CNTLN: variants seen among roughly 807,000 people sequenced by gnomAD.
CNTLN encodes the protein centlein, centrosomal protein.
A neutral mutation model predicts 180.0 loss-of-function variants in CNTLN; 212 were observed. The observed-to-expected ratio is 1.18, with a 90% CI of 1.05 to 1.32. The LOEUF is 1.32. Among genes scored for constraint, CNTLN ranks in the 40% most tolerant of loss-of-function variants. The pLI is 0.00. For missense variants in CNTLN, 2,095 were observed against 1,610.9 expected (o/e 1.30, Z -5.14); for synonymous variants, 722 against 563.1 (o/e 1.28, Z -3.99).
chr9:17,344,906 C>T (rs906345226), intron 12 of CNTLN, among the ~76,000 whole-genome samples: 10 of 152,110 alleles, frequency 6.6e-5, no homozygotes, highest in African/African-American at 1.9e-4. Context: ...ATCTTCCTAC[C>T]GCCACTAATA....
At chr9:17,148,730 G>C (rs983871942) in intron 2 of CNTLN, among the ~76,000 whole-genome samples, 1 of 152,238 alleles carries the variant, frequency 6.6e-6, no homozygotes, top group Admixed American at 6.5e-5. Context: ...TTTGACATCA[G>C]TTGGAAACAT....
intron 12 of CNTLN, among the ~76,000 whole-genome samples, chr9:17,361,530 C>A (rs577069022): frequency 6.6e-6 from 1 of 152,032 alleles, no homozygotes; most frequent in South Asian, 2.1e-4. Flanking sequence ...TATGCACATG[C>A]AAAAAAAGAA....
chr9:17,284,178 G>A (rs1215375159), intron 6 of CNTLN, among the ~76,000 whole-genome samples: 1 of 151,982 alleles, frequency 6.6e-6, no homozygotes, highest in Non-Finnish European at 1.5e-5. Context: ...CTTCCAGTAT[G>A]CCTCGCTAAT....
intron 2 of CNTLN, among the ~76,000 whole-genome samples, chr9:17,195,902 A>T (rs984990574): frequency 7.2e-5 from 11 of 152,232 alleles, no homozygotes; most frequent in African/African-American, 2.7e-4. Context: ...ATAGCTTTAC[A>T]TGAAATCAGA....
At chr9:17,158,981 T>C (rs1819490711) in intron 2 of CNTLN, among the ~76,000 whole-genome samples, 1 of 152,146 alleles carries the variant, frequency 6.6e-6, no homozygotes, top group Admixed American at 6.5e-5. Context: ...TTTATAGTTA[T>C]ATCCTTCCAT....
chr9:17,366,098 G>A (rs1399710128), intron 12 of CNTLN, among the ~76,000 whole-genome samples: 2 of 152,130 alleles, frequency 1.3e-5, no homozygotes, highest in Non-Finnish European at 2.9e-5. Flanking sequence ...AAATTCAATT[G>A]TAGTTTTTTG....
chr9:17,175,429 A>G (rs529806770), intron 2 of CNTLN, among the ~76,000 whole-genome samples: 6 of 152,050 alleles, frequency 3.9e-5, no homozygotes, highest in Admixed American at 6.6e-5. Context: ...ACTATTTTGC[A>G]TCTTTGTCTA....
the CNTLN span, among the ~76,000 whole-genome samples, chr9:17,517,955 C>T: frequency 1.3e-5 from 2 of 151,528 alleles, no homozygotes; most frequent in African/African-American, 2.4e-5. Context: ...AACCACCCCC[C>T]AAGGAGCCTC....
chr9:17,430,861 C>G (rs1260761904), intron 18 of CNTLN, among the ~76,000 whole-genome samples: 3 of 152,048 alleles, frequency 2.0e-5, no homozygotes, highest in Admixed American at 2.0e-4. Flanking sequence ...TTACTCCCAT[C>G]TTATTGGAAA....
In CNTLN at chr9:17,147,924, C is replaced by A. The variant is rs977076092; in HGVS notation, c.449+4548C>A. 7.9e-5 allele frequency among the ~76,000 whole-genome samples: 12 copies of A among 152,232 alleles called. No individual in the cohort carries two copies. The East Asian group carries it at 1.2e-3, about 15-fold the overall frequency. ...ACCTAGTGAATAGAGGCTGAGATTG[C>A]TAAACATCTTGAAATGAAAAGAATA... is the stretch of plus-strand genomic sequence containing the variant. On this transcript the variant is annotated intron_variant, in intron 2 of 25. Coordinates refer to ENST00000380647, the MANE Select transcript of CNTLN (RefSeq NM_017738.4).
intron 18 of CNTLN, among the ~76,000 whole-genome samples, chr9:17,435,559 CT>C (rs35562399): frequency 0.42 from 60,371 of 144,054 alleles, 14,296 homozygotes; most frequent in Non-Finnish European, 0.55. Context: ...AAGAGTGGCT[CT>C]TTTTTTTTTT....
intron 16 of CNTLN, among the ~76,000 whole-genome samples, chr9:17,414,917 C>G (rs565477726): frequency 3.1e-4 from 47 of 152,072 alleles, no homozygotes; most frequent in Non-Finnish European, 5.6e-4. Flanking sequence ...TGGTGAAACC[C>G]CATCTCTACC....
At chr9:17,485,203 A>G (rs931019492) in intron 24 of CNTLN, among the ~76,000 whole-genome samples, 9 of 152,112 alleles carry the variant, frequency 5.9e-5, no homozygotes, top group Non-Finnish European at 1.3e-4. Flanking sequence ...TATCCTTTGG[A>G]ATGCTAAAAG....
At chr9:17,383,583 A>G (rs117368798) in intron 13 of CNTLN, among the ~76,000 whole-genome samples, 5,103 of 152,296 alleles carry the variant, frequency 0.034, 127 homozygotes, top group South Asian at 0.13. Context: ...TTAGGAATAT[A>G]GAGAAATATT....
rs1338482954 is a variant in CNTLN, at chr9:17,332,489, T to A, written c.1519-116T>A. ...TTTCTCTGGTATTCCATGCAGGATT[T>A]TTTTTTTTTTTATAATTCATTATTA... On this transcript the variant is annotated intron_variant, in intron 9 of 25. Coordinates refer to ENST00000380647, the MANE Select transcript of CNTLN (RefSeq NM_017738.4). 8 of 334,170 alleles carry A rather than the reference T, an allele frequency of 2.4e-5. No individual in the cohort carries two copies. In the East Asian group the frequency reaches 1.1e-3, roughly 48 times the overall value. The allele number at this position is 334,170 out of a possible 1,614,324, so 20.7% of individuals were successfully genotyped here. A position where few individuals can be genotyped will look rare whatever the true frequency, so the allele number is the denominator to read the frequency against.
At chr9:17,457,479 A>G in intron 18 of CNTLN, 45 bp from the exon 19 acceptor site, 1 of 1,035,080 alleles carries the variant, frequency 9.7e-7, no homozygotes, top group Non-Finnish European at 1.3e-6. Flanking sequence ...AAATATAGTT[A>G]CTTTTAAAAT....
In CNTLN at chr9:17,291,166, G is replaced by C. The variant is rs549835061; in HGVS notation, c.984-7024G>C. ...AATTTGATTGCGCTGTTTTCTGAGA[G>C]ACTGTTATGATTTCAGTTCTTTTGT... On this transcript the variant is annotated intron_variant, in intron 6 of 25. Coordinates refer to ENST00000380647, the MANE Select transcript of CNTLN (RefSeq NM_017738.4). 3.3e-5 allele frequency among the ~76,000 whole-genome samples: 5 copies of C among 152,274 alleles called. No individual in the cohort carries two copies. In the South Asian group the frequency reaches 1.0e-3, roughly 32 times the overall value.
At chr9:17,494,401 A>G (rs1288653883) in intron 25 of CNTLN, among the ~76,000 whole-genome samples, 2 of 152,100 alleles carry the variant, frequency 1.3e-5, no homozygotes, top group African/African-American at 4.8e-5. Flanking sequence ...TTAGGACTAC[A>G]TGTGCAGGTT....
chr9:17,522,981 A>T, the CNTLN span, among the ~76,000 whole-genome samples: 1 of 152,152 alleles, frequency 6.6e-6, no homozygotes, highest in African/African-American at 2.4e-5. Flanking sequence ...TGGGCTCCAA[A>T]AAACTCCATT....
Sources: allele counts gnomAD v4.1 joint callset (sites outside exome capture counted in the v4.1 genomes callset), GRCh38; gene constraint gnomAD v4.1.1; transcripts MANE v1.5; gene names NCBI Gene and HGNC (gene_info 2026-07-23, HGNC 2026-07-21).